Variants in ERBB3 observed in about 807,000 individuals in gnomAD.
ERBB3 encodes the protein receptor tyrosine-protein kinase erbB-3.
In ERBB3, 96 loss-of-function variants were observed where a neutral mutation model predicts 156.7. The ratio of observed to expected loss-of-function variants is 0.61; its 90% CI spans 0.52 to 0.73. The LOEUF (loss-of-function observed/expected upper bound fraction) is 0.73, where lower values mean the gene tolerates loss of function less well. Among genes scored for constraint, ERBB3 ranks in the 30% least tolerant of loss-of-function variants. ERBB3 has a pLI of 0.00. For missense variants in ERBB3, 1,406 were observed against 1,709.4 expected (o/e 0.82, Z 3.13); for synonymous variants, 567 against 632.0 (o/e 0.90, Z 1.54).
At chr12:56,093,225 G>A in intron 11 of ERBB3, 120 bp from the exon 12 acceptor site, 5 of 1,159,518 alleles carry the variant, frequency 4.3e-6, no homozygotes, top group Non-Finnish European at 6.5e-6. Flanking sequence ...GCAAAAGGAG[G>A]GGGATTCCCT....
chr12:56,102,045 A>G lies in ERBB3; in HGVS notation c.4019A>G (p.Gln1340Arg). The G allele has an allele frequency of 6.2e-7, 1 of 1,608,728 alleles. No individual in the cohort carries two copies. The highest frequency in any genetic ancestry group is 1.1e-5 in the South Asian group (1 of 91,062). The change falls in exon 28 of 28, where the codon CAG becomes CGG. Residue 1340 changes from glutamine (Q) to arginine (R), a missense_variant. Gln to Arg is a conservative substitution (Grantham distance 43, BLOSUM62 1). This residue lies in a region of ERBB3 where 415 missense variants were observed against 454.1 expected (regional missense o/e 0.91). Coordinates refer to ENST00000267101, the MANE Select transcript of ERBB3 (RefSeq NM_001982.4). ...AGGCTTTTCCCCAAGGCTAATGCCCAGAGAACGTAACTCCTGCTCCCTGTG... is the reference window on the plus strand; with the variant it reads ...AGGCTTTTCCCCAAGGCTAATGCCCGGAGAACGTAACTCCTGCTCCCTGTG... The part of the protein sequence containing the change: ...HSRLFPKANA[Q>R]RT
chr12:56,093,470 CTT>C lies in ERBB3; in HGVS notation c.1402_1403del (p.Leu468GlufsTer19). ...AATAGGCAGCTCTGCTACCACCACT[CTT>C]TGAACTGGACCAAGGTGCTTCGGGG... is the stretch of plus-strand genomic sequence containing the variant. On this transcript the variant is annotated frameshift_variant, in exon 12 of 28. Coordinates refer to ENST00000267101, the MANE Select transcript of ERBB3 (RefSeq NM_001982.4). LOFTEE classifies it high-confidence loss of function. 1.9e-6 allele frequency: 3 copies of C among 1,614,054 alleles called. No individual in the cohort carries two copies. The highest frequency in any genetic ancestry group is 2.5e-6 in the Non-Finnish European group (3 of 1,179,992).
At chr12:56,085,269 TAAGTGC>T in intron 3 of ERBB3, 88 bp downstream of exon 3, 2 of 1,605,644 alleles carry the variant, frequency 1.2e-6, no homozygotes, top group South Asian at 2.2e-5. Context: ...CTGCTCACTC[TAAGTGC>T]CTCTTCCAAG....
chr12:56,095,227 C>G, intron 15 of ERBB3, 30 bp from the exon 16 acceptor site: 1 of 1,577,500 alleles, frequency 6.3e-7, no homozygotes, highest in Non-Finnish European at 8.7e-7. Flanking sequence ...TGTCCAAGCT[C>G]TCATTTAAGG....
In ERBB3 at chr12:56,085,310, T is replaced by G. The variant is rs372736362; in HGVS notation, c.421+129T>G. The G allele has an allele frequency of 4.8e-5, 75 of 1,568,256 alleles. No individual in the cohort carries two copies. In the African/African-American group the frequency reaches 7.7e-4, roughly 16 times the overall value. ...GGTGCCTGTCACCTTGGCCGCTGTC[T>G]AAAGGTCCATTGCTCCCTAAGCAAT... On this transcript the variant is annotated intron_variant, in intron 3 of 27. Transcript: ENST00000267101.
intron 1 of ERBB3, among the ~76,000 whole-genome samples, chr12:56,081,681 C>A (rs749647403): frequency 6.6e-6 from 1 of 152,114 alleles, no homozygotes; most frequent in Non-Finnish European, 1.5e-5. Context: ...AGGAGGCAGG[C>A]ATGGTTGGGT....
In ERBB3 at chr12:56,100,643, T is replaced by TA. The variant is rs11317236; in HGVS notation, c.3202-402dup. On this transcript the variant is annotated intron_variant, in intron 26 of 27. Transcript: ENST00000267101. ...GGTGACAGAGCAAGACCCTGTCTCTTAAAAAAAAAAAAAAAAGGCCAGGTG... is the reference window on the plus strand; with the variant it reads ...GGTGACAGAGCAAGACCCTGTCTCTTAAAAAAAAAAAAAAAAAGGCCAGGTG... 5.6e-3 allele frequency among the ~76,000 whole-genome samples: 693 copies of TA among 124,748 alleles called. 19 individuals are homozygous for TA. The East Asian group carries it at 0.085, about 15-fold the overall frequency. 81.8% of individuals were successfully genotyped at this position (124,748 alleles called of 152,430 possible). A position where few individuals can be genotyped will look rare whatever the true frequency, so the allele number is the denominator to read the frequency against.
intron 9 of ERBB3, among the ~76,000 whole-genome samples, chr12:56,091,300 A>ATATATAAT (rs1318572728): frequency 5.9e-4 from 1 of 1,688 alleles, no homozygotes; most frequent in Non-Finnish European, 1.3e-3. Flanking sequence ...ATATATAAAT[A>ATATATAAT]ATATATATAA....
intron 21 of ERBB3, 54 bp downstream of exon 21, chr12:56,097,994 G>A (rs1868946393): frequency 1.3e-6 from 2 of 1,580,696 alleles, no homozygotes; most frequent in African/African-American, 1.3e-5. Flanking sequence ...ATGGGGATAG[G>A]GAGCAGCCAG....
Position 56,097,336 on chromosome 12 carries a change from G to A in ERBB3, c.2460+106G>A, listed in dbSNP as rs1391749589. 2.4e-5 allele frequency: 26 copies of A among 1,089,948 alleles called. 1 individual carries two copies. In the Middle Eastern group the frequency reaches 2.8e-3, roughly 119 times the overall value. 67.5% of individuals were successfully genotyped at this position (1,089,948 alleles called of 1,614,324 possible). ...CTGAGAGGTGAGGTCCCCAACCCCC[G>A]GGCTGCAGACTGGTACCAGTCCATG... On this transcript the variant is annotated intron_variant, in intron 20 of 27. Transcript: ENST00000267101.
At chr12:56,087,160 G>A (rs1412155634) in intron 4 of ERBB3, among the ~76,000 whole-genome samples, 2 of 144,462 alleles carry the variant, frequency 1.4e-5, no homozygotes, top group Non-Finnish European at 3.0e-5. Flanking sequence ...AAAAATCCCT[G>A]AGTACTAAGC....
chr12:56,095,985 C>G (rs1294902892), intron 17 of ERBB3, 179 bp downstream of exon 17: 4 of 687,924 alleles, frequency 5.8e-6, no homozygotes, highest in African/African-American at 1.8e-5. Context: ...AGTGTGGTCC[C>G]CTAGAAGAAC....
intron 4 of ERBB3, among the ~76,000 whole-genome samples, chr12:56,086,998 C>T (rs1253537950): frequency 4.0e-5 from 6 of 151,894 alleles, no homozygotes; most frequent in East Asian, 1.9e-4. Context: ...ATCAGACAGG[C>T]GTAGTGGCTC....
intron 6 of ERBB3, 47 bp downstream of exon 6, chr12:56,087,960 T>G: frequency 6.2e-7 from 1 of 1,613,866 alleles, no homozygotes; most frequent in South Asian, 1.1e-5. Flanking sequence ...GGATGTGGCC[T>G]TTGAGGAGGA....
chr12:56,102,820 A>AAAC lies in ERBB3; in HGVS notation c.*767_*768insCAA, dbSNP rs1869162290. The AAAC allele has an allele frequency of 2.3e-5, 5 of 214,398 alleles. No homozygotes were observed. In the East Asian group the frequency reaches 3.4e-4, roughly 15 times the overall value. 13.3% of individuals were successfully genotyped at this position (214,398 alleles called of 1,614,324 possible). A position where few individuals can be genotyped will look rare whatever the true frequency, so the allele number is the denominator to read the frequency against. ...CCCCATCTCTTTAAAAAAAAAAAAAAAAAAAAAAAAAAAACTTTAGAACTG... is the reference window on the plus strand; with the variant it reads ...CCCCATCTCTTTAAAAAAAAAAAAAAAACAAAAAAAAAAAAAACTTTAGAACTG... On this transcript the variant is annotated 3_prime_UTR_variant, in exon 28 of 28. Coordinates refer to ENST00000267101, the MANE Select transcript of ERBB3 (RefSeq NM_001982.4).
At chr12:56,080,500 G>A in intron 1 of ERBB3, 118 bp downstream of exon 1, 1 of 816,610 alleles carries the variant, frequency 1.2e-6, no homozygotes, top group Non-Finnish European at 2.0e-6. Context: ...GCTGCCCCCG[G>A]TTTGCCAGGA....
chr12:56,100,248 A>T lies in ERBB3; in HGVS notation c.3201+3A>T, dbSNP rs547182987. 1.9e-6 allele frequency: 3 copies of T among 1,611,176 alleles called. No individual in the cohort carries two copies. The South Asian group carries it at 3.3e-5, about 18-fold the overall frequency. On this transcript the variant is annotated splice_donor_region_variant and intron_variant, in intron 26 of 27. Transcript: ENST00000267101. Reference sequence around the variant, plus strand: ...GTAATCTTGGGGAGTCTTGCCAGGTAAGTTCTGTTGCTGAGAGGCTGGGTT... The same window carrying T: ...GTAATCTTGGGGAGTCTTGCCAGGTTAGTTCTGTTGCTGAGAGGCTGGGTT...
chr12:56,095,207 G>A, intron 15 of ERBB3, 50 bp from the exon 16 acceptor site: 1 of 1,374,764 alleles, frequency 7.3e-7, no homozygotes, highest in South Asian at 1.2e-5. Context: ...TGTTGAAATT[G>A]AGCCTCTGCT....
In ERBB3 at chr12:56,098,888, A is replaced by C; in HGVS notation, c.2822A>C (p.Tyr941Ser). The C allele has an allele frequency of 6.2e-7, 1 of 1,613,932 alleles. No homozygotes were observed. The change falls in exon 23 of 28, where the codon TAC becomes TCC. Residue 941 changes from tyrosine to serine, a missense_variant. This residue lies in a region of ERBB3 where 979 missense variants were observed against 1,219.6 expected (regional missense o/e 0.80). Transcript: ENST00000267101. ...AQPQICTIDV[Y>S]MVMVKCWMID... The stretch of plus-strand genomic sequence containing the variant: ...CCCCAGATCTGCACAATTGATGTCT[A>C]CATGGTGATGGTCAAGTGTGAGTTA...
Sources: gnomAD v4.1 joint callset for allele counts (sites outside exome capture counted in the v4.1 genomes callset) on GRCh38, gnomAD v4.1.1 for gene constraint, gnomAD v4.1.1 regional missense constraint, MANE v1.5 for transcripts, NCBI Gene and HGNC (gene_info 2026-07-23, HGNC 2026-07-21) for gene names.